The following ATP10B variants were observed in gnomAD, a reference collection of about 807,000 sequenced individuals.
The protein encoded by ATP10B is phospholipid-transporting ATPase VB.
In ATP10B, 122 loss-of-function variants were observed where a neutral mutation model predicts 141.2. The observed-to-expected ratio is 0.86, with a 90% confidence interval of 0.75 to 1.00. The LOEUF (loss-of-function observed/expected upper bound fraction) is 1.00, where lower values mean the gene tolerates loss of function less well. Among genes scored for constraint, ATP10B ranks in the 50% least tolerant of loss-of-function variants. The pLI is 0.00. For synonymous variants in ATP10B, 685 were observed against 692.0 expected, an observed-to-expected ratio of 0.99 and a Z score of 0.16; for missense variants, 1,876 against 1,825.3, an observed-to-expected ratio of 1.03 and a Z score of -0.51.
rs1759770256 is a variant in ATP10B, at chr5:160,640,581, TC to T, written c.879del (p.Ala295ProfsTer3). ...VGIVIYAGHE[T>X]KAMLNNSGPR... ...GGGCCACTGTTGTTCAGCATGGCTTTCGTCTCATGGCCTTTGAGAGAAAATG... is the reference window on the plus strand; with the variant it reads ...GGGCCACTGTTGTTCAGCATGGCTTTGTCTCATGGCCTTTGAGAGAAAATG... On this transcript the variant is annotated frameshift_variant, in exon 10 of 26. Transcript: ENST00000327245. LOFTEE classifies it high-confidence loss of function. The T allele has an allele frequency of 1.9e-6, 3 of 1,614,096 alleles. No homozygotes were observed. Among genetic ancestry groups the T allele is most frequent in the Non-Finnish European group, 2.5e-6 (3 of 1,179,934 alleles).
intron 7 of ATP10B, among the ~76,000 whole-genome samples, chr5:160,661,940 TTCAGCAAAGTC>T (rs1442422452): frequency 2.0e-5 from 3 of 152,174 alleles, no homozygotes; most frequent in Admixed American, 1.3e-4. Context: ...GACAGGCAAC[TTCAGCAAAGTC>T]TCAGGATACA....
At position 160,604,443 on chromosome 5, in the gene ATP10B, G is replaced by A. The variant is rs144162193; in HGVS notation, c.3161-402C>T. ...GTAATTCCACTAGAGAAAGGACCCA[G>A]GAGAAATGGAACTCATATCTTTCAG... On this transcript the variant is annotated intron_variant, in intron 19 of 25. Coordinates refer to ENST00000327245, the MANE Select transcript of ATP10B (RefSeq NM_025153.3). 6.9e-3 allele frequency among the ~76,000 whole-genome samples: 1,052 copies of A among 152,256 alleles called. 7 individuals are homozygous for A. Among genetic ancestry groups the A allele is most frequent in the Non-Finnish European group, 8.0e-3 (546 of 68,010 alleles).
At chr5:160,663,501 A>T (rs559786505) in intron 7 of ATP10B, among the ~76,000 whole-genome samples, 1 of 152,346 alleles carries the variant, frequency 6.6e-6, no homozygotes, top group East Asian at 1.9e-4. Context: ...GACATGGATG[A>T]AGCTGCAAAC....
the ATP10B span, among the ~76,000 whole-genome samples, chr5:160,882,798 T>TA: frequency 6.6e-6 from 1 of 151,992 alleles, no homozygotes; most frequent in Non-Finnish European, 1.5e-5. Context: ...ATGGAGGAGA[T>TA]AAAATTGTGA....
chr5:160,873,363 C>A, the ATP10B span, among the ~76,000 whole-genome samples: 7 of 152,192 alleles, frequency 4.6e-5, no homozygotes, highest in East Asian at 1.4e-3. Context: ...TTCACTAATC[C>A]ATTTCAATAT....
At chr5:160,796,632 C>T (rs928181962) in intron 1 of ATP10B, among the ~76,000 whole-genome samples, 3 of 152,210 alleles carry the variant, frequency 2.0e-5, no homozygotes, top group African/African-American at 7.2e-5. Context: ...TCTCATTCCT[C>T]CAGGAGGGCA....
intron 1 of ATP10B, among the ~76,000 whole-genome samples, chr5:160,819,646 G>A (rs1360830256): frequency 6.6e-6 from 1 of 152,084 alleles, no homozygotes; most frequent in East Asian, 1.9e-4. Flanking sequence ...GACAGTAGAA[G>A]ATATAAATAG....
chr5:160,622,482 G>A lies in ATP10B; in HGVS notation c.1724C>T (p.Ser575Phe). The change falls in exon 14 of 26, where the codon TCC becomes TTC. Residue 575 changes from serine (S) to phenylalanine (F), a missense_variant. Ser to Phe is a radical substitution (Grantham distance 155). Coordinates refer to ENST00000327245, the MANE Select transcript of ATP10B (RefSeq NM_025153.3). ...SDSRPAKASLSTTSSIADFFL... is the reference protein window; with the variant it reads ...SDSRPAKASLFTTSSIADFFL... ...GAAATCAGCAATGGAGGAGGTGGTG[G>A]AGAGGGAAGCCTTGGCAGGTCTGCT... 1.2e-6 allele frequency: 2 copies of A among 1,614,142 alleles called. No individual in the cohort carries two copies. Among genetic ancestry groups the A allele is most frequent in the Non-Finnish European group, 1.7e-6 (2 of 1,180,018 alleles).
At chr5:160,770,094 C>T (rs945381037) in intron 2 of ATP10B, among the ~76,000 whole-genome samples, 1 of 151,962 alleles carries the variant, frequency 6.6e-6, no homozygotes, top group Non-Finnish European at 1.5e-5. Context: ...CCAAATCCTA[C>T]CCCCTTTCCT....
At chr5:160,758,314 G>A (rs1768782409) in intron 2 of ATP10B, among the ~76,000 whole-genome samples, 1 of 151,950 alleles carries the variant, frequency 6.6e-6, no homozygotes, top group Admixed American at 6.5e-5. Flanking sequence ...AACACTACAG[G>A]TTCCTGTGAA....
chr5:160,893,662 G>T, the ATP10B span, among the ~76,000 whole-genome samples: 1 of 152,186 alleles, frequency 6.6e-6, no homozygotes, highest in Non-Finnish European at 1.5e-5. Flanking sequence ...TGAAGAGAGC[G>T]GTGGATCTCC....
chr5:160,616,349 G>C (rs1395593302), intron 16 of ATP10B, among the ~76,000 whole-genome samples: 2 of 152,152 alleles, frequency 1.3e-5, no homozygotes, highest in Admixed American at 1.3e-4. Context: ...ACTGAATAGG[G>C]GGCTGCCTTC....
intron 3 of ATP10B, among the ~76,000 whole-genome samples, chr5:160,698,750 A>G (rs561595909): frequency 5.1e-4 from 78 of 152,348 alleles, no homozygotes; most frequent in African/African-American, 1.9e-3. Context: ...AAAGAATGGC[A>G]GACAGTAAGG....
intron 3 of ATP10B, among the ~76,000 whole-genome samples, chr5:160,709,595 T>A (rs867714766): frequency 8.8e-5 from 10 of 113,932 alleles, no homozygotes; most frequent in East Asian, 6.1e-4. Flanking sequence ...CATAAACAAA[T>A]TTTTTTTTTT....
At chr5:160,689,349 T>C (rs937991146) in intron 3 of ATP10B, among the ~76,000 whole-genome samples, 1 of 152,220 alleles carries the variant, frequency 6.6e-6, no homozygotes, top group Non-Finnish European at 1.5e-5. Context: ...CCACTCCTGT[T>C]CAACATAGTG....
rs769876324 is a variant in ATP10B at position 160,620,767 on chromosome 5, C to T, written c.1996G>A (p.Ala666Thr). ...ATTDSDERDD[A>T]SVCSGGDSTD... ...GAGTCACCTCCACTGCACACAGATG[C>T]ATCATCTCTCTCATCCGAGTCTGTG... The change falls in exon 15 of 26, where the codon GCA becomes ACA. Residue 666 changes from alanine to threonine, a missense_variant. Physicochemically the swap from Ala to Thr is moderately conservative, Grantham distance 58. Coordinates refer to ENST00000327245, the MANE Select transcript of ATP10B (RefSeq NM_025153.3). The T allele has an allele frequency of 1.2e-5, 20 of 1,614,106 alleles. No individual in the cohort carries two copies. Among genetic ancestry groups the T allele is most frequent in the Middle Eastern group, 1.6e-4 (1 of 6,084 alleles).
intron 6 of ATP10B, among the ~76,000 whole-genome samples, chr5:160,684,636 T>A (rs1419751723): frequency 6.6e-6 from 1 of 152,228 alleles, no homozygotes; most frequent in Non-Finnish European, 1.5e-5. Context: ...AAAGACCTCC[T>A]AATTTTAAAA....
At chr5:160,773,955 G>A (rs1333861681) in intron 2 of ATP10B, among the ~76,000 whole-genome samples, 1 of 152,168 alleles carries the variant, frequency 6.6e-6, no homozygotes. Flanking sequence ...TGGGTCATTT[G>A]CCATTGTAAA....
the ATP10B span, among the ~76,000 whole-genome samples, chr5:160,903,398 AG>A: frequency 1.3e-5 from 2 of 152,162 alleles, no homozygotes; most frequent in Non-Finnish European, 2.9e-5. Context: ...CACTTCCAGC[AG>A]GCCTTGGTGT....
Sources: gnomAD v4.1 joint callset for allele counts (sites outside exome capture counted in the v4.1 genomes callset) on GRCh38, gnomAD v4.1.1 for gene constraint, MANE v1.5 for transcripts, NCBI Gene and HGNC (gene_info 2026-07-23, HGNC 2026-07-21) for gene names.